MYT1L: variants seen among roughly 807,000 people sequenced by gnomAD.
MYT1L encodes the protein myelin transcription factor 1 like.
MYT1L carries 12 observed loss-of-function variants against 126.7 expected under a neutral mutation model. That is an observed-to-expected ratio of 0.09 (90% CI 0.06 to 0.15). MYT1L has a LOEUF of 0.15. Among genes scored for constraint, MYT1L ranks in the 10% least tolerant of loss-of-function variants. The pLI, the probability that MYT1L is intolerant of heterozygous loss-of-function variation, is 1.00. For synonymous variants in MYT1L, 541 were observed against 604.2 expected, an observed-to-expected ratio of 0.90 and a Z score of 1.53; for missense variants, 979 against 1,585.2, an observed-to-expected ratio of 0.62 and a Z score of 6.49.
chr2:2,019,344 C>T (rs2064788036), intron 4 of MYT1L, among the ~76,000 whole-genome samples: 1 of 152,184 alleles, frequency 6.6e-6, no homozygotes, highest in African/African-American at 2.4e-5. Flanking sequence ...TCCTTGCCTT[C>T]TGCCATGATT....
At chr2:2,009,549 T>G (rs1170950125) in intron 4 of MYT1L, among the ~76,000 whole-genome samples, 1 of 152,230 alleles carries the variant, frequency 6.6e-6, no homozygotes. Context: ...ATGCTGATTT[T>G]GTATTCTGCA....
At chr2:2,116,428 C>T (rs537728685) in intron 3 of MYT1L, among the ~76,000 whole-genome samples, 7 of 152,342 alleles carry the variant, frequency 4.6e-5, no homozygotes, top group African/African-American at 1.2e-4. Context: ...ACAGTGATGA[C>T]TTGAATTCTC....
Position 2,322,686 on chromosome 2 carries a change from T to A in MYT1L, c.-521+8281A>T, listed in dbSNP as rs1573577614. 2.0e-5 allele frequency among the ~76,000 whole-genome samples: 3 copies of A among 151,922 alleles called. No homozygotes were observed. In the South Asian group the frequency reaches 6.3e-4, roughly 32 times the overall value. ...GAAGGGGCTTTCAGGGATCTCTGCA[T>A]AGAAATGCACAAGGTGAGGTTAAAA... On this transcript the variant is annotated intron_variant, in intron 1 of 24. Coordinates refer to ENST00000647738, the MANE Select transcript of MYT1L (RefSeq NM_001303052.2).
At chr2:2,298,356 C>A (rs2095729700) in intron 1 of MYT1L, among the ~76,000 whole-genome samples, 1 of 152,116 alleles carries the variant, frequency 6.6e-6, no homozygotes, top group African/African-American at 2.4e-5. Flanking sequence ...CAATGAGAGA[C>A]CATTCGATGA....
intron 23 of MYT1L, chr2:1,795,726 C>CT (rs1387752526): frequency 1.3e-5 from 2 of 152,246 alleles, no homozygotes; most frequent in Admixed American, 6.5e-5. Flanking sequence ...AGGGAGCCCT[C>CT]TGACGAAGGT....
At chr2:2,287,522 T>C (rs2095540306) in intron 1 of MYT1L, among the ~76,000 whole-genome samples, 1 of 152,092 alleles carries the variant, frequency 6.6e-6, no homozygotes, top group Admixed American at 6.6e-5. Flanking sequence ...TTTTAAAAAA[T>C]AGATTGTTGA....
chr2:2,074,079 A>G (rs1437288351), intron 3 of MYT1L, among the ~76,000 whole-genome samples: 1 of 152,244 alleles, frequency 6.6e-6, no homozygotes. Context: ...AGCTGGCTCT[A>G]TTGAAAATGT....
chr2:2,002,818 G>C (rs906458310), intron 4 of MYT1L, among the ~76,000 whole-genome samples: 1 of 152,114 alleles, frequency 6.6e-6, no homozygotes, highest in Non-Finnish European at 1.5e-5. Flanking sequence ...TCATGATAGA[G>C]AGTGAGTTTC....
chr2:1,904,745 C>T (rs527556231), intron 13 of MYT1L, among the ~76,000 whole-genome samples: 9 of 152,120 alleles, frequency 5.9e-5, no homozygotes, highest in Non-Finnish European at 1.3e-4. Flanking sequence ...GATTCTCCTG[C>T]CTCAGCCTCC....
At chr2:2,102,567 C>T (rs1434160517) in intron 3 of MYT1L, among the ~76,000 whole-genome samples, 1 of 151,426 alleles carries the variant, frequency 6.6e-6, no homozygotes. Flanking sequence ...CACCGTTCTA[C>T]TGTTTACACT....
At chr2:1,908,062 G>C (rs909432891) in intron 13 of MYT1L, among the ~76,000 whole-genome samples, 2 of 152,228 alleles carry the variant, frequency 1.3e-5, no homozygotes, top group African/African-American at 4.8e-5. Context: ...CCCTGTCCTG[G>C]CCTGGTTCCC....
intron 4 of MYT1L, among the ~76,000 whole-genome samples, chr2:2,000,187 C>G (rs889460962): frequency 6.6e-6 from 1 of 152,056 alleles, no homozygotes; most frequent in African/African-American, 2.4e-5. Flanking sequence ...CCTCTGTGGC[C>G]ACAACCTGGT....
chr2:2,235,899 C>T (rs1050881509), intron 2 of MYT1L, among the ~76,000 whole-genome samples: 3 of 152,164 alleles, frequency 2.0e-5, no homozygotes, highest in African/African-American at 7.2e-5. Flanking sequence ...TACTAGTAGG[C>T]TGAGGAGCAG....
chr2:1,993,982 G>A lies in MYT1L; in HGVS notation c.-1+3209C>T, dbSNP rs534817570. On this transcript the variant is annotated intron_variant, in intron 5 of 24. Coordinates refer to ENST00000647738, the MANE Select transcript of MYT1L (RefSeq NM_001303052.2). ...ACATTTTTCACATTGATTCATAATA[G>A]CTGTCTGTACACTGCGGTGCTAACC... is the stretch of plus-strand genomic sequence containing the variant. 3.9e-5 allele frequency among the ~76,000 whole-genome samples: 6 copies of A among 152,302 alleles called. 1 individual carries two copies. Among genetic ancestry groups the A allele is most frequent in the Admixed American group, 3.9e-4 (6 of 15,302 alleles).
intron 3 of MYT1L, among the ~76,000 whole-genome samples, chr2:2,162,634 G>A (rs1435775697): frequency 6.6e-6 from 1 of 152,200 alleles, no homozygotes; most frequent in African/African-American, 2.4e-5. Flanking sequence ...CGGTTTTCAT[G>A]GCCCTGCTAA....
chr2:1,887,167 T>TAAAA lies in MYT1L; in HGVS notation c.2642+317_2642+320dup. Reference sequence around the variant, plus strand: ...AAACAGCCAAAATAGTAAGTATGTTTAAAAAAAAAAAAAACTTTTAAAAAA... The same window carrying TAAAA: ...AAACAGCCAAAATAGTAAGTATGTTTAAAAAAAAAAAAAAAAAACTTTTAAAAAA... On this transcript the variant is annotated intron_variant, in intron 17 of 24. Coordinates refer to ENST00000647738, the MANE Select transcript of MYT1L (RefSeq NM_001303052.2). The surrounding 1 kb of genome is among the most constrained non-coding windows in gnomAD (Gnocchi z 4.8). 2.7e-6 allele frequency: 1 copy of TAAAA among 375,534 alleles called. No individual in the cohort carries two copies. The allele number at this position is 375,534 out of a possible 1,614,324, so 23.3% of individuals were successfully genotyped here.
intron 5 of MYT1L, among the ~76,000 whole-genome samples, chr2:1,986,604 G>T (rs376680155): frequency 4.6e-5 from 7 of 152,330 alleles, no homozygotes; most frequent in African/African-American, 1.7e-4. Context: ...ATTCAAAAAA[G>T]GATGGTCTAG....
At chr2:2,041,120 T>A (rs958365814) in intron 4 of MYT1L, among the ~76,000 whole-genome samples, 2 of 152,200 alleles carry the variant, frequency 1.3e-5, no homozygotes, top group African/African-American at 4.8e-5. Context: ...CAGATAAATA[T>A]AAAAATATAT....
chr2:1,864,811 C>T (rs2045240189), intron 18 of MYT1L, among the ~76,000 whole-genome samples: 1 of 152,196 alleles, frequency 6.6e-6, no homozygotes, highest in South Asian at 2.1e-4. Flanking sequence ...TCATGCTCTA[C>T]AGGTTCTGAG....
Sources: allele counts gnomAD v4.1 joint callset (sites outside exome capture counted in the v4.1 genomes callset), GRCh38; gene constraint gnomAD v4.1.1; non-coding constraint Gnocchi (gnomAD v3.1); transcripts MANE v1.5; gene names NCBI Gene and HGNC (gene_info 2026-07-23, HGNC 2026-07-21).